CACNB3: variants seen among roughly 807,000 people sequenced by gnomAD.
The protein encoded by CACNB3 is voltage-dependent L-type calcium channel subunit beta-3.
CACNB3 carries 36 observed loss-of-function variants against 63.7 expected under a neutral mutation model. The observed-to-expected ratio is 0.57, with a 90% confidence interval of 0.43 to 0.75. The LOEUF (loss-of-function observed/expected upper bound fraction) is 0.75, where lower values mean the gene tolerates loss of function less well. Ranked by LOEUF, CACNB3 falls within the 30% of genes least tolerant of loss-of-function variation. The probability of loss-of-function intolerance (pLI) is 0.00; values close to 1 mark genes in which losing one functional copy is unlikely to be tolerated. For synonymous variants in CACNB3, 241 were observed against 250.6 expected, an observed-to-expected ratio of 0.96 and a Z score of 0.36; for missense variants, 493 against 648.6, an observed-to-expected ratio of 0.76 and a Z score of 2.61.
At chr12:48,827,487 C>A in intron 12 of CACNB3, 98 bp from the exon 13 acceptor site, 1 of 1,144,828 alleles carries the variant, frequency 8.7e-7, no homozygotes, top group Non-Finnish European at 1.2e-6. Context: ...TTTCCTTTAC[C>A]GGGGAATTGA....
In CACNB3 at chr12:48,826,758, G is replaced by A; in HGVS notation, c.895-1G>A. ...GGCCTAGCTCTGCCCTCCCCGCTCA[G>A]GTACTCCAGCGTCTCATTCGCTCCC... On this transcript the variant is annotated splice_acceptor_variant, in intron 10 of 12. Coordinates refer to ENST00000301050, the MANE Select transcript of CACNB3 (RefSeq NM_000725.4). LOFTEE classifies it high-confidence loss of function. The surrounding 1 kb of genome is among the most constrained non-coding windows in gnomAD (Gnocchi z 4.8). 1.2e-6 allele frequency: 2 copies of A among 1,613,212 alleles called. No homozygotes were observed. The highest frequency in any genetic ancestry group is 1.7e-6 in the Non-Finnish European group (2 of 1,179,194).
In CACNB3 at chr12:48,818,554, C is replaced by T. The variant is rs1438931737; in HGVS notation, c.-376C>T. 3.8e-6 allele frequency: 4 copies of T among 1,051,342 alleles called. No homozygotes were observed. The highest frequency in any genetic ancestry group is 4.6e-6 in the Non-Finnish European group (4 of 873,472). 65.1% of individuals were successfully genotyped at this position (1,051,342 alleles called of 1,614,324 possible). A position where few individuals can be genotyped will look rare whatever the true frequency, so the allele number is the denominator to read the frequency against. On this transcript the variant is annotated 5_prime_UTR_variant, in exon 1 of 13. Coordinates refer to ENST00000301050, the MANE Select transcript of CACNB3 (RefSeq NM_000725.4). The surrounding 1 kb of genome is among the most constrained non-coding windows in gnomAD (Gnocchi z 4.3). ...GCTCGGGGACCCACCTTCCACCTAG[C>T]ACGGGTTCGTTCCCCTCTCCCGGCC... is the stretch of plus-strand genomic sequence containing the variant.
chr12:48,825,250 G>T lies in CACNB3; in HGVS notation c.573+7G>T. ...CTCTCTGAAAGGTTATGAGGTGAGAGGAGGTCCTTGACCCCAAAGAGTCAC... is the reference window on the plus strand; with the variant it reads ...CTCTCTGAAAGGTTATGAGGTGAGATGAGGTCCTTGACCCCAAAGAGTCAC... On this transcript the variant is annotated splice_region_variant and intron_variant, in intron 7 of 12. Coordinates refer to ENST00000301050, the MANE Select transcript of CACNB3 (RefSeq NM_000725.4). The surrounding 1 kb of genome is among the most constrained non-coding windows in gnomAD (Gnocchi z 4.5). 1 of 1,613,346 alleles carries T rather than the reference G, an allele frequency of 6.2e-7. No homozygotes were observed. Among genetic ancestry groups the T allele is most frequent in the East Asian group, 2.2e-5 (1 of 44,844 alleles).
chr12:48,824,590 A>G (rs1366940865), intron 4 of CACNB3, 79 bp from the exon 5 acceptor site: 2 of 1,351,194 alleles, frequency 1.5e-6, no homozygotes, highest in Non-Finnish European at 1.1e-6. Flanking sequence ...ATTGTGTACA[A>G]TTATTAAATA....
upstream of CACNB3, chr12:48,815,816 G>A: frequency 1.1e-6 from 1 of 893,382 alleles, no homozygotes. Context: ...AAGGGGGCAC[G>A]CGTTTGGGGG....
chr12:48,826,711 C>T lies in CACNB3; in HGVS notation c.895-48C>T. On this transcript the variant is annotated intron_variant, in intron 10 of 12. Coordinates refer to ENST00000301050, the MANE Select transcript of CACNB3 (RefSeq NM_000725.4). The surrounding 1 kb of genome is among the most constrained non-coding windows in gnomAD (Gnocchi z 4.8). ...CTAGCTCTGCCCGGGCTCAGCTCTG[C>T]CCAGAGTCCTGAGAGACTCCAGGCC... 6.5e-7 allele frequency: 1 copy of T among 1,534,228 alleles called. No homozygotes were observed. The highest frequency in any genetic ancestry group is 9.0e-7 in the Non-Finnish European group (1 of 1,107,710).
chr12:48,815,624 G>A (rs566365584), upstream of CACNB3: 740 of 1,534,448 alleles, frequency 4.8e-4, 4 homozygotes, highest in African/African-American at 9.5e-3. Context: ...AGCAGCGGCC[G>A]GGTTTTGCTC....
Position 48,825,901 on chromosome 12 carries a change from T to C in CACNB3, c.742+132T>C. ...TGGAGTGCAGTGGTGAGATCTCGGC[T>C]CACTGCAACCTCCACCTCCTGGGTT... On this transcript the variant is annotated intron_variant, in intron 9 of 12. Coordinates refer to ENST00000301050, the MANE Select transcript of CACNB3 (RefSeq NM_000725.4). The surrounding 1 kb of genome is among the most constrained non-coding windows in gnomAD (Gnocchi z 4.5). 3.3e-6 allele frequency: 2 copies of C among 603,144 alleles called. No homozygotes were observed. Among genetic ancestry groups the C allele is most frequent in the Non-Finnish European group, 5.7e-6 (2 of 351,396 alleles). 37.4% of individuals were successfully genotyped at this position (603,144 alleles called of 1,614,324 possible). A position where few individuals can be genotyped will look rare whatever the true frequency, so the allele number is the denominator to read the frequency against.
rs1938054041 is a variant in CACNB3 at position 48,825,024 on chromosome 12, A to G, written c.492+56A>G. 6.4e-6 allele frequency: 10 copies of G among 1,570,294 alleles called. No homozygotes were observed. The highest frequency in any genetic ancestry group is 1.6e-5 in the African/African-American group (1 of 61,564). On this transcript the variant is annotated intron_variant, in intron 6 of 12. Transcript: ENST00000301050. This position sits in a 1 kb window ranked among gnomAD's most constrained non-coding sequence, Gnocchi z 4.5. ...GATCATGGCTTATGGCTCTGGGGAC[A>G]GTGTTCTAGGCAGTCATTGTTGGAG...
chr12:48,824,913 C>T (rs760843044), intron 5 of CACNB3, 36 bp from the exon 6 acceptor site: 9 of 1,613,130 alleles, frequency 5.6e-6, no homozygotes, highest in Non-Finnish European at 7.6e-6. Flanking sequence ...TTTCCCCCTT[C>T]ACCAACTTTA....
chr12:48,825,838 C>CT lies in CACNB3; in HGVS notation c.742+77dup, dbSNP rs1216289468. On this transcript the variant is annotated intron_variant, in intron 9 of 12. Coordinates refer to ENST00000301050, the MANE Select transcript of CACNB3 (RefSeq NM_000725.4). The surrounding 1 kb of genome is among the most constrained non-coding windows in gnomAD (Gnocchi z 4.5). ...AGTGAGAACCTTCCTCCTCCCTTTT[C>CT]TTTTTTTTGAGATGGAGTCTCGCTC... The CT allele has an allele frequency of 1.0e-4, 118 of 1,128,762 alleles. No individual in the cohort carries two copies. Among genetic ancestry groups the CT allele is most frequent in the Non-Finnish European group, 1.3e-4 (100 of 763,534 alleles). 69.9% of individuals were successfully genotyped at this position (1,128,762 alleles called of 1,614,324 possible). A position where few individuals can be genotyped will look rare whatever the true frequency, so the allele number is the denominator to read the frequency against.
chr12:48,816,580 G>A (rs1942292997), upstream of CACNB3, among the ~76,000 whole-genome samples: 1 of 152,164 alleles, frequency 6.6e-6, no homozygotes, highest in South Asian at 2.1e-4. Context: ...AAGAAGGAGG[G>A]AAGCTCTGAA....
rs2070615 is a variant in CACNB3, at chr12:48,824,388, A to G, written c.407+15A>G. 921,548 of 1,584,958 alleles carry G rather than the reference A, an allele frequency of 0.58. 273,385 individuals carry two copies. The highest frequency in any genetic ancestry group is 0.87 in the African/African-American group (64,862 of 74,576). On this transcript the variant is annotated intron_variant, in intron 4 of 12. Transcript: ENST00000301050. ...CAGAAGGCCAGGTGAGAGTTGGGCCATGAGTCAGTAAACACACCCCAAACA... is the reference window on the plus strand; with the variant it reads ...CAGAAGGCCAGGTGAGAGTTGGGCCGTGAGTCAGTAAACACACCCCAAACA...
Position 48,823,616 on chromosome 12 carries a change from G to A in CACNB3, c.169-65G>A. The stretch of plus-strand genomic sequence containing the variant: ...AGAGGCCACGGCCTTCTGCTGTTGG[G>A]GCACTGAAGCTGGAAGGGGTGCTTC... On this transcript the variant is annotated intron_variant, in intron 2 of 12. Coordinates refer to ENST00000301050, the MANE Select transcript of CACNB3 (RefSeq NM_000725.4). The surrounding 1 kb of genome is among the most constrained non-coding windows in gnomAD (Gnocchi z 4.2). The A allele has an allele frequency of 1.2e-6, 2 of 1,612,290 alleles. No homozygotes were observed. Among genetic ancestry groups the A allele is most frequent in the African/African-American group, 2.7e-5 (2 of 75,010 alleles).
At position 48,826,765 on chromosome 12, in the gene CACNB3, C is replaced by A; in HGVS notation, c.901C>A (p.Gln301Lys). The A allele has an allele frequency of 6.2e-7, 1 of 1,613,662 alleles. No homozygotes were observed. Among genetic ancestry groups the A allele is most frequent in the Non-Finnish European group, 8.5e-7 (1 of 1,179,582 alleles). Residue 301 changes from glutamine to lysine, a missense_variant, in exon 11 of 13, where the codon CAG (glutamine) becomes AAG (lysine). Transcript: ENST00000301050. This position sits in a 1 kb window ranked among gnomAD's most constrained non-coding sequence, Gnocchi z 4.8. ...FVKVSSPKVL[Q>K]RLIRSRGKSQ... ...CTCTGCCCTCCCCGCTCAGGTACTC[C>A]AGCGTCTCATTCGCTCCCGGGGGAA...
chr12:48,823,614 G>A lies in CACNB3; in HGVS notation c.169-67G>A, dbSNP rs1937969217. The A allele has an allele frequency of 1.2e-6, 2 of 1,611,846 alleles. No homozygotes were observed. Among genetic ancestry groups the A allele is most frequent in the African/African-American group, 1.3e-5 (1 of 74,986 alleles). On this transcript the variant is annotated intron_variant, in intron 2 of 12. Transcript: ENST00000301050. This position sits in a 1 kb window ranked among gnomAD's most constrained non-coding sequence, Gnocchi z 4.2. ...GCAGAGGCCACGGCCTTCTGCTGTTGGGGCACTGAAGCTGGAAGGGGTGCT... is the reference window on the plus strand; with the variant it reads ...GCAGAGGCCACGGCCTTCTGCTGTTAGGGCACTGAAGCTGGAAGGGGTGCT...
In CACNB3 at chr12:48,826,853, C is replaced by A. The variant is rs754339233; in HGVS notation, c.989C>A (p.Pro330Gln). The A allele has an allele frequency of 2.5e-6, 4 of 1,613,534 alleles. No individual in the cohort carries two copies. The highest frequency in any genetic ancestry group is 2.5e-6 in the Non-Finnish European group (3 of 1,179,450). The change falls in exon 11 of 13, where the codon CCG (proline) becomes CAG (glutamine). Residue 330 changes from proline (P) to glutamine (Q), a missense_variant and splice_region_variant. Transcript: ENST00000301050. The surrounding 1 kb of genome is among the most constrained non-coding windows in gnomAD (Gnocchi z 4.8). ...MAYDKLVQCP[P>Q]ESFDVILDEN... ...TATGATAAGCTGGTTCAGTGCCCAC[C>A]GGTGAGTGCCTGGGTCAGCTGCTCC...
At chr12:48,819,939 T>G (rs556977577) in intron 1 of CACNB3, 6 of 303,382 alleles carry the variant, frequency 2.0e-5, no homozygotes, top group Non-Finnish European at 4.0e-5. Flanking sequence ...CCCTCAAATG[T>G]CCTGTAAGAA....
intron 12 of CACNB3, 86 bp downstream of exon 12, chr12:48,827,209 C>T: frequency 6.7e-7 from 1 of 1,488,114 alleles, no homozygotes. Flanking sequence ...CCTTGGCCTC[C>T]AGTTCAGCAT....
Sources: allele counts gnomAD v4.1 joint callset (sites outside exome capture counted in the v4.1 genomes callset), GRCh38; gene constraint gnomAD v4.1.1; non-coding constraint Gnocchi (gnomAD v3.1); transcripts MANE v1.5; gene names NCBI Gene and HGNC (gene_info 2026-07-23, HGNC 2026-07-21).